The following SNTG1 variants were observed in gnomAD, a reference collection of about 807,000 sequenced individuals.
The protein encoded by SNTG1 is gamma-1-syntrophin.
A neutral mutation model predicts 74.7 loss-of-function variants in SNTG1; 39 were observed. That is an observed-to-expected ratio of 0.52 (90% CI 0.40 to 0.68). SNTG1 has a LOEUF of 0.68. SNTG1 is among the 30% of genes least tolerant of loss of function. The probability of loss-of-function intolerance (pLI) is 0.00; values close to 1 mark genes in which losing one functional copy is unlikely to be tolerated. For synonymous variants in SNTG1, 254 were observed against 217.1 expected (o/e 1.17, Z -1.49); for missense variants, 685 against 609.5 (o/e 1.12, Z -1.30).
chr8:50,027,550 A>G (rs1268623757), intron 1 of SNTG1, among the ~76,000 whole-genome samples: 1 of 152,204 alleles, frequency 6.6e-6, no homozygotes, highest in Non-Finnish European at 1.5e-5. Flanking sequence ...ATGACGACAG[A>G]GGCAGAAACA....
intron 2 of SNTG1, among the ~76,000 whole-genome samples, chr8:50,176,329 T>C (rs2082998571): frequency 6.6e-6 from 1 of 152,180 alleles, no homozygotes; most frequent in Non-Finnish European, 1.5e-5. Context: ...TGAAGAATCA[T>C]TGACTTCACT....
chr8:49,956,970 A>T (rs2129399998), intron 1 of SNTG1, among the ~76,000 whole-genome samples: 1 of 152,332 alleles, frequency 6.6e-6, no homozygotes, highest in Middle Eastern at 3.4e-3. Flanking sequence ...AGAAACAGAG[A>T]GCAGAAAGGT....
At chr8:49,916,766 G>A (rs1806073726) in intron 1 of SNTG1, among the ~76,000 whole-genome samples, 1 of 151,874 alleles carries the variant, frequency 6.6e-6, no homozygotes, top group Non-Finnish European at 1.5e-5. Flanking sequence ...AACACTTTGG[G>A]ATACCGAGGC....
intron 4 of SNTG1, among the ~76,000 whole-genome samples, chr8:50,417,296 A>T (rs919929482): frequency 6.6e-6 from 1 of 152,112 alleles, no homozygotes; most frequent in African/African-American, 2.4e-5. Context: ...GTGCCACATT[A>T]TCTTACTCTG....
intron 11 of SNTG1, among the ~76,000 whole-genome samples, chr8:50,542,113 CATAT>C (rs147663122): frequency 4.2e-5 from 4 of 96,092 alleles, no homozygotes; most frequent in Non-Finnish European, 8.1e-5. Flanking sequence ...TGTATATATA[CATAT>C]ATATATATGA....
chr8:49,976,598 C>T (rs913682543), intron 1 of SNTG1, among the ~76,000 whole-genome samples: 4 of 152,096 alleles, frequency 2.6e-5, no homozygotes, highest in Non-Finnish European at 5.9e-5. Context: ...TAAATTTGTC[C>T]AGGGAAGCCT....
chr8:50,227,250 G>A (rs958098144), intron 2 of SNTG1, among the ~76,000 whole-genome samples: 3 of 152,128 alleles, frequency 2.0e-5, no homozygotes, highest in Admixed American at 6.6e-5. Context: ...AATTGGTGAA[G>A]GCAAAGTGTA....
chr8:50,695,195 C>T (rs1483980673), intron 15 of SNTG1, among the ~76,000 whole-genome samples: 1 of 151,228 alleles, frequency 6.6e-6, no homozygotes, highest in Non-Finnish European at 1.5e-5. Context: ...AACCCAAGAT[C>T]CCCCCACTCA....
intron 1 of SNTG1, among the ~76,000 whole-genome samples, chr8:50,122,192 C>T (rs1047057572): frequency 2.1e-5 from 3 of 141,826 alleles, no homozygotes; most frequent in Non-Finnish European, 3.1e-5. Flanking sequence ...CTGTAGGCCA[C>T]GCTGCCTTTG....
At chr8:50,638,794 T>C (rs1333196084) in intron 13 of SNTG1, among the ~76,000 whole-genome samples, 2 of 152,018 alleles carry the variant, frequency 1.3e-5, no homozygotes, top group Non-Finnish European at 2.9e-5. Flanking sequence ...TGAGGATTTC[T>C]CCAAAAATCA....
At chr8:50,212,286 C>A (rs1399828047) in intron 2 of SNTG1, among the ~76,000 whole-genome samples, 1 of 152,078 alleles carries the variant, frequency 6.6e-6, no homozygotes, top group Non-Finnish European at 1.5e-5. Flanking sequence ...GATAGGGGTC[C>A]ATTTTAACCA....
At chr8:50,183,425 T>C (rs985396664) in intron 2 of SNTG1, among the ~76,000 whole-genome samples, 3 of 152,154 alleles carry the variant, frequency 2.0e-5, no homozygotes, top group African/African-American at 7.2e-5. Context: ...TTTATAACTC[T>C]ATATCCCATT....
At chr8:50,710,851 A>T (rs778087356) in intron 17 of SNTG1, among the ~76,000 whole-genome samples, 2 of 152,232 alleles carry the variant, frequency 1.3e-5, no homozygotes, top group Non-Finnish European at 2.9e-5. Context: ...TCCAAGCTTG[A>T]TACTCAAGGA....
intron 2 of SNTG1, among the ~76,000 whole-genome samples, chr8:50,185,690 G>A (rs2083355048): frequency 6.6e-6 from 1 of 151,962 alleles, no homozygotes. Flanking sequence ...TTACTTTAAA[G>A]TTCACTAATA....
intron 13 of SNTG1, among the ~76,000 whole-genome samples, chr8:50,638,370 G>A (rs1312352821): frequency 6.6e-6 from 1 of 152,110 alleles, no homozygotes; most frequent in Non-Finnish European, 1.5e-5. Context: ...GTGTCTGAAA[G>A]TGAGGTGCCA....
intron 2 of SNTG1, among the ~76,000 whole-genome samples, chr8:50,206,488 A>G (rs1485213826): frequency 6.6e-6 from 1 of 152,152 alleles, no homozygotes; most frequent in Non-Finnish European, 1.5e-5. Context: ...GGGTTTTCTA[A>G]ATACACAATC....
chr8:50,439,487 C>T (rs2093337821), intron 5 of SNTG1, among the ~76,000 whole-genome samples: 1 of 151,968 alleles, frequency 6.6e-6, no homozygotes, highest in South Asian at 2.1e-4. Context: ...GTGAAAATGA[C>T]TCAGAGTAGA....
intron 2 of SNTG1, among the ~76,000 whole-genome samples, chr8:50,348,074 A>T (rs1396453386): frequency 6.6e-6 from 1 of 152,116 alleles, no homozygotes; most frequent in Non-Finnish European, 1.5e-5. Context: ...GGATGATAAA[A>T]CTTCCTTCAT....
chr8:50,546,062 A>G (rs2094385490), intron 11 of SNTG1, among the ~76,000 whole-genome samples: 2 of 152,152 alleles, frequency 1.3e-5, no homozygotes, highest in Admixed American at 1.3e-4. Flanking sequence ...GGTAGGAAGA[A>G]AAAGAAAAAA....
Sources: allele counts gnomAD v4.1 joint callset (sites outside exome capture counted in the v4.1 genomes callset), GRCh38; gene constraint gnomAD v4.1.1; transcripts MANE v1.5; gene names NCBI Gene and HGNC (gene_info 2026-07-23, HGNC 2026-07-21).